Variants in DISP1 observed in about 807,000 individuals in gnomAD.
DISP1 encodes protein dispatched homolog 1.
In DISP1, 30 loss-of-function variants were observed where a neutral mutation model predicts 37.3. That is an observed-to-expected ratio of 0.80 (90% confidence interval 0.60 to 1.09). The LOEUF (loss-of-function observed/expected upper bound fraction) is 1.09, where lower values mean the gene tolerates loss of function less well. Ranked by LOEUF, DISP1 falls within the 50% of genes least tolerant of loss-of-function variation. The pLI is 0.00. For missense variants in DISP1, 1,598 were observed against 1,879.5 expected, an observed-to-expected ratio of 0.85 and a Z score of 2.77; for synonymous variants, 634 against 690.2, an observed-to-expected ratio of 0.92 and a Z score of 1.28.
chr1:222,857,654 C>T (rs1290919545), intron 1 of DISP1, among the ~76,000 whole-genome samples: 1 of 151,984 alleles, frequency 6.6e-6, no homozygotes, highest in Non-Finnish European at 1.5e-5. Context: ...AAGCAGAGAG[C>T]CAAATCATGA....
chr1:222,927,227 A>C (rs533292811), intron 1 of DISP1, among the ~76,000 whole-genome samples: 25 of 152,184 alleles, frequency 1.6e-4, no homozygotes, highest in Non-Finnish European at 3.2e-4. Context: ...TTGAAACAGA[A>C]TGGTGGATGT....
intron 3 of DISP1, among the ~76,000 whole-genome samples, chr1:222,978,936 G>C (rs1297473227): frequency 2.6e-5 from 4 of 152,156 alleles, no homozygotes; most frequent in Non-Finnish European, 4.4e-5. Context: ...TTGTAGTATA[G>C]TTTGAAGTCC....
chr1:222,968,971 C>T (rs1327213198), intron 3 of DISP1, among the ~76,000 whole-genome samples: 1 of 151,610 alleles, frequency 6.6e-6, no homozygotes, highest in Non-Finnish European at 1.5e-5. Context: ...GTAATTGAAG[C>T]ATCAGAAAGT....
chr1:222,859,280 A>G (rs963363824), intron 1 of DISP1, among the ~76,000 whole-genome samples: 1 of 152,220 alleles, frequency 6.6e-6, no homozygotes. Context: ...GAGCTGAACA[A>G]TGAGAACACA....
chr1:222,984,886 A>C (rs927303261), intron 4 of DISP1, among the ~76,000 whole-genome samples: 5 of 152,280 alleles, frequency 3.3e-5, no homozygotes, highest in Admixed American at 6.5e-5. Context: ...CGAATCCTAC[A>C]GTATTTGTCC....
At chr1:222,957,282 A>T (rs921029940) in intron 3 of DISP1, among the ~76,000 whole-genome samples, 2 of 152,074 alleles carry the variant, frequency 1.3e-5, no homozygotes, top group Admixed American at 1.3e-4. Context: ...GGCAGAGAAA[A>T]ATGTGTTTAA....
chr1:222,878,090 G>C (rs1246830346), intron 1 of DISP1, among the ~76,000 whole-genome samples: 1 of 152,198 alleles, frequency 6.6e-6, no homozygotes, highest in East Asian at 1.9e-4. Context: ...GACTATTATA[G>C]TAAGCTAAAG....
At position 222,932,678 on chromosome 1, in the gene DISP1, G is replaced by A. The variant is rs116167346; in HGVS notation, c.-18+4108G>A. Among the ~76,000 whole-genome samples, 354 of 152,098 alleles carry A rather than the reference G, an allele frequency of 2.3e-3. 1 individual carries two copies. Among genetic ancestry groups the A allele is most frequent in the African/African-American group, 8.3e-3 (345 of 41,542 alleles). On this transcript the variant is annotated intron_variant, in intron 2 of 8. Transcript: ENST00000675850. The stretch of plus-strand genomic sequence containing the variant: ...ATCTGAAAGAGGAGCGCAAAGCTAT[G>A]AGAAGCCTTCCCTACCTCTTTCTTT...
At chr1:222,963,296 G>A (rs547214999) in intron 3 of DISP1, among the ~76,000 whole-genome samples, 1 of 152,316 alleles carries the variant, frequency 6.6e-6, no homozygotes, top group South Asian at 2.1e-4. Flanking sequence ...AGGCTGTGGA[G>A]AAGTAGGAAC....
chr1:222,984,415 A>AT (rs1225969320), intron 4 of DISP1, among the ~76,000 whole-genome samples: 2,315 of 58,258 alleles, frequency 0.04, 64 homozygotes, highest in South Asian at 0.12. Flanking sequence ...AAAAAAAAAA[A>AT]AAAAAAATAT....
At chr1:222,909,757 G>A (rs1672110134) in intron 1 of DISP1, among the ~76,000 whole-genome samples, 1 of 152,184 alleles carries the variant, frequency 6.6e-6, no homozygotes, top group African/African-American at 2.4e-5. Context: ...AGTAGGCCTG[G>A]AACTCTGAGC....
At chr1:222,936,990 A>ATTATATAATATATAATATTAT (rs1558340673) in intron 2 of DISP1, among the ~76,000 whole-genome samples, 1 of 69,690 alleles carries the variant, frequency 1.4e-5, no homozygotes. Context: ...TAATATATAT[A>ATTATATAATATATAATATTAT]ATATTATATA....
chr1:222,904,323 C>G (rs1671777298), intron 1 of DISP1, among the ~76,000 whole-genome samples: 1 of 152,106 alleles, frequency 6.6e-6, no homozygotes, highest in African/African-American at 2.4e-5. Context: ...GTCATTCAGT[C>G]TTCGCTATTA....
At chr1:222,851,484 G>A (rs569009990) in intron 1 of DISP1, among the ~76,000 whole-genome samples, 7 of 152,174 alleles carry the variant, frequency 4.6e-5, no homozygotes, top group African/African-American at 1.4e-4. Flanking sequence ...TTCCCTCCCA[G>A]CTGATTTGTT....
intron 2 of DISP1, among the ~76,000 whole-genome samples, chr1:222,930,841 T>C (rs77976667): frequency 0.029 from 4,339 of 152,128 alleles, 225 homozygotes; most frequent in African/African-American, 0.098. Context: ...ATAAAGTCTT[T>C]ATAAGTTTGA....
chr1:222,827,725 G>A (rs748562666), intron 1 of DISP1: 14 of 152,014 alleles, frequency 9.2e-5, no homozygotes, highest in East Asian at 1.9e-4. Flanking sequence ...ATTGTTAATC[G>A]TGGCATTTTG....
Position 223,003,181 on chromosome 1 carries a change from A to C in DISP1, c.1784A>C (p.Glu595Ala). 1 of 1,614,228 alleles carries C rather than the reference A, an allele frequency of 6.2e-7. No homozygotes were observed. The highest frequency in any genetic ancestry group is 8.5e-7 in the Non-Finnish European group (1 of 1,180,044). Residue 595 changes from glutamate (E) to alanine (A), a missense_variant, in exon 9 of 9, where the codon GAA becomes GCA. Glu to Ala is a moderately radical substitution (Grantham distance 107, BLOSUM62 -1). Coordinates refer to ENST00000675850, the MANE Select transcript of DISP1 (RefSeq NM_001377229.1). This position sits in a 1 kb window ranked among gnomAD's most constrained non-coding sequence, Gnocchi z 4.3. Reference protein sequence around the residue: ...KFDKPHAETSETVSITLQHAA... With the variant: ...KFDKPHAETSATVSITLQHAA... Reference sequence around the variant, plus strand: ...GATAAGCCTCATGCCGAAACCTCAGAAACAGTAAGCATCACCTTGCAGCAC... The same window carrying C: ...GATAAGCCTCATGCCGAAACCTCAGCAACAGTAAGCATCACCTTGCAGCAC...
intron 1 of DISP1, among the ~76,000 whole-genome samples, chr1:222,856,988 G>A (rs989702855): frequency 6.6e-6 from 1 of 152,140 alleles, no homozygotes; most frequent in African/African-American, 2.4e-5. Flanking sequence ...ACAGGTGTGA[G>A]CCACTGTGCC....
intron 1 of DISP1, among the ~76,000 whole-genome samples, chr1:222,874,021 C>T (rs574186316): frequency 6.7e-4 from 102 of 152,226 alleles, no homozygotes; most frequent in Non-Finnish European, 1.1e-3. Context: ...TTTATTTCTC[C>T]TTCACTTATG....
Sources: gnomAD v4.1 joint callset for allele counts (sites outside exome capture counted in the v4.1 genomes callset) on GRCh38, gnomAD v4.1.1 for gene constraint, Gnocchi (gnomAD v3.1) non-coding constraint, MANE v1.5 for transcripts, NCBI Gene and HGNC (gene_info 2026-07-23, HGNC 2026-07-21) for gene names.